The following STRIP2 variants were observed in gnomAD, a reference collection of about 807,000 sequenced individuals.
STRIP2 encodes the protein striatin interacting protein 2.
A neutral mutation model predicts 107.1 loss-of-function variants in STRIP2; 84 were observed. The observed-to-expected ratio is 0.78, with a 90% confidence interval of 0.66 to 0.94. The LOEUF (loss-of-function observed/expected upper bound fraction) is 0.94. STRIP2 is among the 40% of genes least tolerant of loss of function. The pLI, the probability that STRIP2 is intolerant of heterozygous loss-of-function variation, is 0.00. For missense variants in STRIP2, 888 were observed against 1,034.2 expected (o/e 0.86, Z 1.94); for synonymous variants, 394 against 400.4 (o/e 0.98, Z 0.19).
Position 129,483,123 on chromosome 7 carries a change from T to C in STRIP2, c.2254+77T>C. 1 of 1,526,482 alleles carries C rather than the reference T, an allele frequency of 6.6e-7. No individual in the cohort carries two copies. Among genetic ancestry groups the C allele is most frequent in the South Asian group, 1.3e-5 (1 of 79,002 alleles). The allele number at this position is 1,526,482 out of a possible 1,614,324, so 94.6% of individuals were successfully genotyped here. A position where few individuals can be genotyped will look rare whatever the true frequency, so the allele number is the denominator to read the frequency against. ...AAACTAAATAAATATTTATCACTCC[T>C]CTTTTGGCATGAATTGTTACATATT... is the stretch of plus-strand genomic sequence containing the variant. On this transcript the variant is annotated intron_variant, in intron 20 of 20. Coordinates refer to ENST00000249344, the MANE Select transcript of STRIP2 (RefSeq NM_020704.3). This position sits in a 1 kb window ranked among gnomAD's most constrained non-coding sequence, Gnocchi z 5.1.
intron 2 of STRIP2, among the ~76,000 whole-genome samples, chr7:129,441,770 A>G (rs1584934046): frequency 6.6e-6 from 1 of 151,716 alleles, no homozygotes; most frequent in South Asian, 2.1e-4. Flanking sequence ...TTGTGCCACC[A>G]TGTCCAGCTA....
intron 3 of STRIP2, among the ~76,000 whole-genome samples, chr7:129,446,717 C>A (rs1798046048): frequency 6.6e-6 from 1 of 152,128 alleles, no homozygotes; most frequent in Admixed American, 6.5e-5. Flanking sequence ...GCCAGGGTGG[C>A]AGGACTGGAG....
Position 129,477,951 on chromosome 7 carries a change from A to T in STRIP2, c.1945-2834A>T, listed in dbSNP as rs915135289. ...TCATTGAAATTAAATGGTGGCAGAC[A>T]TGTCCAAGGAATATTGTGGGGATTT... On this transcript the variant is annotated intron_variant, in intron 18 of 20. Transcript: ENST00000249344. 41 of 519,738 alleles carry T rather than the reference A, an allele frequency of 7.9e-5. No individual in the cohort carries two copies. In the African/African-American group the frequency reaches 8.0e-4, roughly 10 times the overall value. The allele number at this position is 519,738 out of a possible 1,614,324, so 32.2% of individuals were successfully genotyped here. A position where few individuals can be genotyped will look rare whatever the true frequency, so the allele number is the denominator to read the frequency against.
intron 8 of STRIP2, 25 bp downstream of exon 8, chr7:129,455,396 A>C (rs1798318635): frequency 6.2e-7 from 1 of 1,606,928 alleles, no homozygotes; most frequent in Admixed American, 1.7e-5. Context: ...CCACTCCCAC[A>C]TTATCAGATC....
At chr7:129,435,206 C>A (rs527788855) in intron 1 of STRIP2, among the ~76,000 whole-genome samples, 1 of 152,336 alleles carries the variant, frequency 6.6e-6, no homozygotes, top group South Asian at 2.1e-4. Context: ...CAGGCAGGGG[C>A]AGTCCTGGAG....
chr7:129,447,167 G>A (rs1188524035), intron 3 of STRIP2, among the ~76,000 whole-genome samples: 2 of 152,156 alleles, frequency 1.3e-5, no homozygotes, highest in African/African-American at 4.8e-5. Context: ...ACAACAGCCT[G>A]GGCCTGTTGC....
At chr7:129,448,141 G>A (rs915818444) in intron 3 of STRIP2, among the ~76,000 whole-genome samples, 1 of 152,154 alleles carries the variant, frequency 6.6e-6, no homozygotes, top group African/African-American at 2.4e-5. Context: ...TCTGGCACTG[G>A]GGAAGTGACC....
intron 1 of STRIP2, among the ~76,000 whole-genome samples, chr7:129,439,562 T>G (rs1166280699): frequency 6.6e-6 from 1 of 152,218 alleles, no homozygotes; most frequent in Non-Finnish European, 1.5e-5. Flanking sequence ...ATATTAGAGC[T>G]AAAGAACCTC....
At position 129,451,663 on chromosome 7, in the gene STRIP2, A is replaced by G. The variant is rs202170276; in HGVS notation, c.325A>G (p.Ile109Val). 3.7e-6 allele frequency: 6 copies of G among 1,614,192 alleles called. No homozygotes were observed. In the African/African-American group the frequency reaches 8.0e-5, roughly 22 times the overall value. ...GGAAGAAGATGCCCAAAAGGCCTAT[A>G]TAATGGGACTCTTGGACCGGCTAGA... ...ELEEDAQKAY[I>V]MGLLDRLEVV... Residue 109 changes from isoleucine (I) to valine (V), a missense_variant, in exon 4 of 21, where the codon ATA (isoleucine) becomes GTA (valine). Ile to Val is a conservative substitution (Grantham distance 29, BLOSUM62 3). Transcript: ENST00000249344.
rs1326076993 is a variant in STRIP2, at chr7:129,483,834, TC to T, written c.2254+790del. Among the ~76,000 whole-genome samples, 5 of 152,292 alleles carry T rather than the reference TC, an allele frequency of 3.3e-5. No individual in the cohort carries two copies. In the East Asian group the frequency reaches 9.6e-4, roughly 29 times the overall value. Reference sequence around the variant, plus strand: ...ATAATGGCTCACTGCAGCCTCGACTTCCTGGGCTCAAGTGATCCTCCCAGCT... The same window carrying T: ...ATAATGGCTCACTGCAGCCTCGACTTCTGGGCTCAAGTGATCCTCCCAGCT... On this transcript the variant is annotated intron_variant, in intron 20 of 20. Transcript: ENST00000249344. The surrounding 1 kb of genome is among the most constrained non-coding windows in gnomAD (Gnocchi z 5.1).
chr7:129,434,432 C>A lies in STRIP2; in HGVS notation c.-41C>A, dbSNP rs1007381957. On this transcript the variant is annotated 5_prime_UTR_variant, in exon 1 of 21. Transcript: ENST00000249344. ...CGCGCGGCGGTAGGGTCGCCTCCGG[C>A]AAAGCGAGCTGAACCCTGAGGGGAG... The A allele has an allele frequency of 2.1e-6, 3 of 1,445,162 alleles. No homozygotes were observed. The African/African-American group carries it at 4.5e-5, about 22-fold the overall frequency. 89.5% of individuals were successfully genotyped at this position (1,445,162 alleles called of 1,614,324 possible). A position where few individuals can be genotyped will look rare whatever the true frequency, so the allele number is the denominator to read the frequency against.
At chr7:129,459,465 G>A (rs1798466398) in intron 11 of STRIP2, 52 bp from the exon 12 acceptor site, 11 of 1,499,280 alleles carry the variant, frequency 7.3e-6, no homozygotes, top group Non-Finnish European at 1.0e-5. Flanking sequence ...TGGGGTATCA[G>A]TAGTTCTCGT....
At chr7:129,484,742 C>T (rs1799204926) in intron 20 of STRIP2, 1 of 152,162 alleles carries the variant, frequency 6.6e-6, no homozygotes, top group Non-Finnish European at 1.5e-5. Context: ...AGACATAAAG[C>T]ACAATTATCT....
At chr7:129,482,258 C>A (rs935784526) in intron 19 of STRIP2, among the ~76,000 whole-genome samples, 4 of 150,852 alleles carry the variant, frequency 2.7e-5, no homozygotes, top group East Asian at 1.9e-4. Context: ...GTGTGGCTGA[C>A]AAAATTTTCT....
rs532618889 is a variant in STRIP2 at position 129,443,964 on chromosome 7, A to C, written c.200-60A>C. On this transcript the variant is annotated intron_variant, in intron 2 of 20. Coordinates refer to ENST00000249344, the MANE Select transcript of STRIP2 (RefSeq NM_020704.3). ...TCAGCTCTTTCATGCCACCCTCTCT[A>C]CTTTGGGCCTCTTCTTTAAGGATCT... 9.5e-5 allele frequency: 123 copies of C among 1,289,092 alleles called. 2 individuals carry two copies. The South Asian group carries it at 1.4e-3, about 15-fold the overall frequency. 79.9% of individuals were successfully genotyped at this position (1,289,092 alleles called of 1,614,324 possible). A position where few individuals can be genotyped will look rare whatever the true frequency, so the allele number is the denominator to read the frequency against.
At chr7:129,465,913 A>G (rs945704831) in intron 16 of STRIP2, among the ~76,000 whole-genome samples, 3 of 152,230 alleles carry the variant, frequency 2.0e-5, no homozygotes, top group African/African-American at 7.2e-5. Context: ...CTCAGAGTAC[A>G]GAGAGGCTTC....
intron 7 of STRIP2, 82 bp from the exon 8 acceptor site, chr7:129,455,162 T>C (rs1273324820): frequency 6.7e-7 from 1 of 1,503,056 alleles, no homozygotes; most frequent in African/African-American, 1.4e-5. Context: ...CCTTCCTGTG[T>C]GTGTCCAGAA....
chr7:129,448,221 T>C (rs1798089400), intron 3 of STRIP2, among the ~76,000 whole-genome samples: 2 of 152,178 alleles, frequency 1.3e-5, no homozygotes, highest in African/African-American at 2.4e-5. Context: ...CTGACCTCCA[T>C]AAGCCCCTAC....
chr7:129,453,111 G>T lies in STRIP2; in HGVS notation c.410-116G>T. On this transcript the variant is annotated intron_variant, in intron 4 of 20. Coordinates refer to ENST00000249344, the MANE Select transcript of STRIP2 (RefSeq NM_020704.3). ...TTCTTGGGGCCCCTGTCATACCTAT[G>T]TCAGCCTAATTATTAGGCAGAGTAT... 3.5e-6 allele frequency: 5 copies of T among 1,442,042 alleles called. No individual in the cohort carries two copies. In the South Asian group the frequency reaches 6.6e-5, roughly 19 times the overall value. 89.3% of individuals were successfully genotyped at this position (1,442,042 alleles called of 1,614,324 possible). A position where few individuals can be genotyped will look rare whatever the true frequency, so the allele number is the denominator to read the frequency against.
Sources: allele counts gnomAD v4.1 joint callset (sites outside exome capture counted in the v4.1 genomes callset), GRCh38; gene constraint gnomAD v4.1.1; non-coding constraint Gnocchi (gnomAD v3.1); transcripts MANE v1.5; gene names NCBI Gene and HGNC (gene_info 2026-07-23, HGNC 2026-07-21).